Variants in PER2 observed in about 807,000 individuals in gnomAD.
The protein encoded by PER2 is period circadian regulator 2, also known as period circadian protein homolog 2.
PER2 carries 66 observed loss-of-function variants against 121.0 expected under a neutral mutation model. The observed-to-expected ratio is 0.55, with a 90% CI of 0.45 to 0.67. The LOEUF is 0.67. PER2 is among the 30% of genes least tolerant of loss of function. The pLI is 0.00. For missense variants in PER2, 1,521 were observed against 1,635.0 expected, an observed-to-expected ratio of 0.93 and a Z score of 1.20; for synonymous variants, 684 against 659.9, an observed-to-expected ratio of 1.04 and a Z score of -0.56.
At chr2:238,292,587 C>A (rs1696966311), upstream of PER2, among the ~76,000 whole-genome samples, 1 of 152,194 alleles carries the variant, frequency 6.6e-6, no homozygotes, top group Non-Finnish European at 1.5e-5. Context: ...TATTTCACCA[C>A]CAGGTATGAT....
chr2:238,297,417 G>C, the PER2 span, among the ~76,000 whole-genome samples: 1 of 152,172 alleles, frequency 6.6e-6, no homozygotes, highest in Non-Finnish European at 1.5e-5. Context: ...CACCCGGCAG[G>C]GCCTCTGAAT....
At chr2:238,295,354 CCTT>C in the PER2 span, 5 of 151,806 alleles carry the variant, frequency 3.3e-5, no homozygotes, top group African/African-American at 1.2e-4. Flanking sequence ...TCCTTCCCCT[CCTT>C]CTTCTACTTC....
At chr2:238,271,061 A>T (rs918441097) in intron 6 of PER2, among the ~76,000 whole-genome samples, 1 of 152,170 alleles carries the variant, frequency 6.6e-6, no homozygotes, top group Non-Finnish European at 1.5e-5. Flanking sequence ...TTTCCAAACA[A>T]CTTCATTTCT....
At chr2:238,260,168 G>A in intron 13 of PER2, 115 bp from the exon 14 acceptor site, 1 of 648,926 alleles carries the variant, frequency 1.5e-6, no homozygotes, top group Non-Finnish European at 2.8e-6. Flanking sequence ...GAAGGAAACT[G>A]TGGATGAGAA....
intron 10 of PER2, 106 bp from the exon 11 acceptor site, chr2:238,262,450 G>T: frequency 9.2e-7 from 1 of 1,082,274 alleles, no homozygotes; most frequent in Non-Finnish European, 1.4e-6. Flanking sequence ...TTTGCAAACT[G>T]TAGGGGTATG....
Position 238,268,833 on chromosome 2 carries a change from G to C in PER2, c.824+90C>G, listed in dbSNP as rs988358997. ...AGGCGTGCTGAGTCCCTGCAGGCAG[G>C]GATCACGCCCCCCAGCCTCAAGCGG... is the stretch of plus-strand genomic sequence containing the variant. On this transcript the variant is annotated intron_variant, in intron 7 of 22. Transcript: ENST00000254657. The surrounding 1 kb of genome is among the most constrained non-coding windows in gnomAD (Gnocchi z 4.0). The C allele has an allele frequency of 5.3e-6, 5 of 936,066 alleles. No homozygotes were observed. Among genetic ancestry groups the C allele is most frequent in the Non-Finnish European group, 8.8e-6 (5 of 565,808 alleles). The allele number at this position is 936,066 out of a possible 1,614,324, so 58.0% of individuals were successfully genotyped here.
chr2:238,263,128 C>A, intron 9 of PER2, 70 bp from the exon 10 acceptor site: 1 of 939,592 alleles, frequency 1.1e-6, no homozygotes, highest in Non-Finnish European at 1.7e-6. Context: ...TAAGAACCAT[C>A]TTATTCCCTG....
intron 1 of PER2, among the ~76,000 whole-genome samples, chr2:238,279,754 AT>A (rs1446055853): frequency 6.6e-6 from 1 of 152,162 alleles, no homozygotes; most frequent in Non-Finnish European, 1.5e-5. Flanking sequence ...GGATCATACA[AT>A]TGGTCGGGGG....
At chr2:238,261,140 G>A (rs559175623) in intron 12 of PER2, among the ~76,000 whole-genome samples, 187 bp from the exon 13 acceptor site, 6 of 152,344 alleles carry the variant, frequency 3.9e-5, no homozygotes, top group Admixed American at 2.0e-4. Context: ...GCCTCCAGCC[G>A]CGGTGCCCCG....
chr2:238,253,592 T>C lies in PER2; in HGVS notation c.2431A>G (p.Thr811Ala). ...RVKPRDSSES[T>A]GSGGPVSARP... The stretch of plus-strand genomic sequence containing the variant: ...GCGGACACGGGCCCCCCAGATCCGG[T>C]GCTCTCAGATGAGTCTCGAGGTTTG... Residue 811 changes from threonine to alanine, a missense_variant, in exon 19 of 23, where the codon ACC becomes GCC. Transcript: ENST00000254657. The surrounding 1 kb of genome is among the most constrained non-coding windows in gnomAD (Gnocchi z 5.6). 6.2e-7 allele frequency: 1 copy of C among 1,610,132 alleles called. No individual in the cohort carries two copies. Among genetic ancestry groups the C allele is most frequent in the Non-Finnish European group, 8.5e-7 (1 of 1,178,246 alleles).
rs1021812486 is a variant in PER2, at chr2:238,253,958, G to A, written c.2321-256C>T. Among the ~76,000 whole-genome samples the A allele has an allele frequency of 1.3e-5, 2 of 152,164 alleles. No homozygotes were observed. Among genetic ancestry groups the A allele is most frequent in the African/African-American group, 4.8e-5 (2 of 41,442 alleles). On this transcript the variant is annotated intron_variant, in intron 18 of 22. Transcript: ENST00000254657. The surrounding 1 kb of genome is among the most constrained non-coding windows in gnomAD (Gnocchi z 5.6). The stretch of plus-strand genomic sequence containing the variant: ...TCCTTATTTTCTTCTGGTATTAAAT[G>A]TCCTTTCTTTTATGAAATGCTAATA...
intron 13 of PER2, 62 bp from the exon 14 acceptor site, chr2:238,260,115 C>G: frequency 1.3e-6 from 1 of 745,476 alleles, no homozygotes; most frequent in Non-Finnish European, 2.4e-6. Flanking sequence ...GTCTGTCCGG[C>G]AAAGTGAGAA....
At chr2:238,249,988 A>C (rs916992361) in intron 21 of PER2, among the ~76,000 whole-genome samples, 1 of 152,216 alleles carries the variant, frequency 6.6e-6, no homozygotes, top group Non-Finnish European at 1.5e-5. Context: ...AAACAGACCT[A>C]CACAGGGTTC....
chr2:238,294,192 A>G (rs1697007009), upstream of PER2, among the ~76,000 whole-genome samples: 1 of 152,076 alleles, frequency 6.6e-6, no homozygotes, highest in African/African-American at 2.4e-5. Flanking sequence ...CACGGACCTT[A>G]CCCGGGCAGG....
At chr2:238,274,344 C>T (rs973256865) in intron 4 of PER2, among the ~76,000 whole-genome samples, 3 of 152,210 alleles carry the variant, frequency 2.0e-5, no homozygotes, top group Admixed American at 6.5e-5. Context: ...CCTGGGGCTG[C>T]GTTACGAGTC....
rs973170831 is a variant in PER2, at chr2:238,268,519, G to A, written c.825-321C>T. ...TCCTGAGGGTGCCAGGGTCTGGCTC[G>A]GGGTCACTCCTGACAGTGCAGCTGG... On this transcript the variant is annotated intron_variant, in intron 7 of 22. Coordinates refer to ENST00000254657, the MANE Select transcript of PER2 (RefSeq NM_022817.3). This position sits in a 1 kb window ranked among gnomAD's most constrained non-coding sequence, Gnocchi z 4.0. Among the ~76,000 whole-genome samples the A allele has an allele frequency of 2.6e-5, 4 of 152,228 alleles. No individual in the cohort carries two copies. The highest frequency in any genetic ancestry group is 6.5e-5 in the Admixed American group (1 of 15,290).
chr2:238,271,224 G>A, intron 6 of PER2, 88 bp downstream of exon 6: 2 of 1,167,066 alleles, frequency 1.7e-6, no homozygotes, highest in Non-Finnish European at 2.6e-6. Flanking sequence ...AGGTGAGGCA[G>A]GGCGCCTGCA....
At chr2:238,289,334 G>GC (rs1426465481), upstream of PER2, 2 of 152,192 alleles carry the variant, frequency 1.3e-5, no homozygotes, top group African/African-American at 4.8e-5. Flanking sequence ...CCCCGGAGCA[G>GC]CCCAGGAGAA....
chr2:238,256,117 A>C (rs778000729), intron 17 of PER2, among the ~76,000 whole-genome samples: 1 of 152,268 alleles, frequency 6.6e-6, no homozygotes, highest in Non-Finnish European at 1.5e-5. Context: ...GACAGCCCTG[A>C]CAGCCAGGTG....
Sources: allele counts gnomAD v4.1 joint callset (sites outside exome capture counted in the v4.1 genomes callset), GRCh38; gene constraint gnomAD v4.1.1; non-coding constraint Gnocchi (gnomAD v3.1); transcripts MANE v1.5; gene names NCBI Gene and HGNC (gene_info 2026-07-23, HGNC 2026-07-21).